The following ZNF236 variants were observed in gnomAD, a reference collection of about 807,000 sequenced individuals.
ZNF236 encodes zinc finger protein 236, also known as regulated by glucose.
Under a neutral mutation model 191.2 loss-of-function variants are expected in ZNF236, and 50 were observed. That is an observed-to-expected ratio of 0.26 (90% confidence interval 0.21 to 0.33). ZNF236 has a LOEUF of 0.33. ZNF236 is among the 10% of genes least tolerant of loss of function. The pLI, the probability that ZNF236 is intolerant of heterozygous loss-of-function variation, is 1.00. For missense variants in ZNF236, 1,754 were observed against 2,374.5 expected, an observed-to-expected ratio of 0.74 and a Z score of 5.43; for synonymous variants, 907 against 928.8, an observed-to-expected ratio of 0.98 and a Z score of 0.43.
At chr18:76,879,097 G>A (rs981986952) in intron 7 of ZNF236, among the ~76,000 whole-genome samples, 8 of 152,046 alleles carry the variant, frequency 5.3e-5, no homozygotes, top group Non-Finnish European at 1.2e-4. Context: ...AATTTTTAAC[G>A]TTGTGTAAAT....
intron 7 of ZNF236, among the ~76,000 whole-genome samples, chr18:76,878,674 G>A (rs953563758): frequency 5.9e-5 from 9 of 151,922 alleles, no homozygotes; most frequent in African/African-American, 2.2e-4. Flanking sequence ...TTCTGTAGGC[G>A]TCTTTAGCTC....
intron 3 of ZNF236, among the ~76,000 whole-genome samples, chr18:76,855,014 C>T (rs1257730230): frequency 6.6e-6 from 1 of 152,222 alleles, no homozygotes; most frequent in Non-Finnish European, 1.5e-5. Flanking sequence ...CAGCCTCTGC[C>T]TCCCAGGTTC....
At chr18:76,964,644 G>T (rs1450458500) in intron 30 of ZNF236, among the ~76,000 whole-genome samples, 2 of 152,116 alleles carry the variant, frequency 1.3e-5, no homozygotes, top group Non-Finnish European at 1.5e-5. Context: ...GACCTGTCTA[G>T]TGCTGTCAGT....
At chr18:76,836,790 G>C (rs987948240) in intron 1 of ZNF236, among the ~76,000 whole-genome samples, 1 of 151,960 alleles carries the variant, frequency 6.6e-6, no homozygotes, top group Non-Finnish European at 1.5e-5. Flanking sequence ...TGTTAGCCAG[G>C]ATAGTCTCGA....
intron 3 of ZNF236, among the ~76,000 whole-genome samples, chr18:76,861,735 AGG>A (rs2058614568): frequency 6.6e-6 from 1 of 152,194 alleles, no homozygotes; most frequent in South Asian, 2.1e-4. Flanking sequence ...TCCTTCTCCT[AGG>A]GGTCCCCCGT....
At chr18:76,937,668 A>C (rs1323193027) in intron 26 of ZNF236, among the ~76,000 whole-genome samples, 1 of 152,188 alleles carries the variant, frequency 6.6e-6, no homozygotes, top group Non-Finnish European at 1.5e-5. Flanking sequence ...ATTTCTGCAG[A>C]AATTTATAAA....
At chr18:76,908,637 A>G (rs982709128) in intron 14 of ZNF236, 64 bp downstream of exon 14, 25 of 1,542,094 alleles carry the variant, frequency 1.6e-5, no homozygotes, top group Non-Finnish European at 2.1e-5. Context: ...TTTCCCACTC[A>G]TTGCAGTCCA....
intron 9 of ZNF236, chr18:76,885,812 A>G (rs555570603): frequency 9.2e-5 from 14 of 152,380 alleles, no homozygotes; most frequent in African/African-American, 3.1e-4. Context: ...TAATCATGCA[A>G]TGAGGAAGAA....
chr18:76,956,730 G>A (rs1968534201), intron 28 of ZNF236, among the ~76,000 whole-genome samples: 1 of 152,238 alleles, frequency 6.6e-6, no homozygotes, highest in Non-Finnish European at 1.5e-5. Context: ...TGAGTTCTGG[G>A]ACATCCCCAC....
Position 76,830,864 on chromosome 18 carries a change from C to G in ZNF236, c.55+8202C>G, listed in dbSNP as rs60104848. Among the ~76,000 whole-genome samples, 824 of 152,256 alleles carry G rather than the reference C, an allele frequency of 5.4e-3. 8 individuals are homozygous for G. Among genetic ancestry groups the G allele is most frequent in the African/African-American group, 0.019 (791 of 41,546 alleles). On this transcript the variant is annotated intron_variant, in intron 1 of 30. Transcript: ENST00000320610. ...TTTATGTTTGTCAGCCATTTGTTCT[C>G]TTTTGCTAAGCTCCTGTTGAAGACT...
intron 25 of ZNF236, chr18:76,935,846 C>T (rs1323553831): frequency 2.7e-6 from 1 of 374,384 alleles, no homozygotes; most frequent in African/African-American, 2.1e-5. Context: ...AGGCCACACT[C>T]CTCGGGCTCC....
At chr18:76,871,062 A>G (rs77242164) in intron 4 of ZNF236, among the ~76,000 whole-genome samples, 2,479 of 152,300 alleles carry the variant, frequency 0.016, 114 homozygotes, top group East Asian at 0.15. Context: ...AGACATGTCC[A>G]CATTTGGGGG....
intron 3 of ZNF236, among the ~76,000 whole-genome samples, chr18:76,854,213 A>G (rs979483964): frequency 6.6e-5 from 10 of 152,176 alleles, no homozygotes; most frequent in Non-Finnish European, 1.2e-4. Flanking sequence ...ATTAGTTAAA[A>G]AAATTATAAG....
chr18:76,941,211 G>A (rs1048524573), intron 26 of ZNF236, among the ~76,000 whole-genome samples: 2 of 152,202 alleles, frequency 1.3e-5, no homozygotes, highest in Non-Finnish European at 2.9e-5. Flanking sequence ...AGGAAGGGCT[G>A]TAGAGTGAAG....
At chr18:76,869,783 C>T (rs940922280) in intron 4 of ZNF236, among the ~76,000 whole-genome samples, 1 of 152,082 alleles carries the variant, frequency 6.6e-6, no homozygotes, top group Non-Finnish European at 1.5e-5. Context: ...TGGTGAAACC[C>T]GGTCCCTACT....
At chr18:76,914,137 GCAC>G (rs1055153862) in intron 18 of ZNF236, among the ~76,000 whole-genome samples, 1 of 152,062 alleles carries the variant, frequency 6.6e-6, no homozygotes, top group African/African-American at 2.4e-5. Context: ...AGAACCTCAG[GCAC>G]CCAGTATCTA....
At chr18:76,909,453 T>G (rs1434078394) in intron 14 of ZNF236, among the ~76,000 whole-genome samples, 1 of 152,108 alleles carries the variant, frequency 6.6e-6, no homozygotes, top group Non-Finnish European at 1.5e-5. Flanking sequence ...TAAAGTACAC[T>G]CAGTGTAGAT....
chr18:76,960,533 T>C lies in ZNF236; in HGVS notation c.5243-146T>C, dbSNP rs994199932. 1.4e-5 allele frequency: 15 copies of C among 1,068,956 alleles called. No individual in the cohort carries two copies. Among genetic ancestry groups the C allele is most frequent in the African/African-American group, 6.3e-5 (4 of 63,164 alleles). 66.2% of individuals were successfully genotyped at this position (1,068,956 alleles called of 1,614,324 possible). ...CTCCCTCTGGTCTCCCTATGGCTCC[T>C]CCAGCCCTTTGTTCAGATGACAGCC... On this transcript the variant is annotated intron_variant, in intron 29 of 30. Coordinates refer to ENST00000320610, the MANE Select transcript of ZNF236 (RefSeq NM_001306089.2). This position sits in a 1 kb window ranked among gnomAD's most constrained non-coding sequence, Gnocchi z 4.4.
chr18:76,851,645 C>A, intron 2 of ZNF236, 130 bp from the exon 3 acceptor site: 1 of 955,146 alleles, frequency 1.0e-6, no homozygotes, highest in Non-Finnish European at 1.5e-6. Context: ...GACTTAAGAG[C>A]CAGAGGAGAC....
Sources: allele counts gnomAD v4.1 joint callset (sites outside exome capture counted in the v4.1 genomes callset), GRCh38; gene constraint gnomAD v4.1.1; non-coding constraint Gnocchi (gnomAD v3.1); transcripts MANE v1.5; gene names NCBI Gene and HGNC (gene_info 2026-07-23, HGNC 2026-07-21).